KIRREL3: variants seen among roughly 807,000 people sequenced by gnomAD.
KIRREL3 encodes kin of IRRE-like protein 3.
Under a neutral mutation model 89.7 loss-of-function variants are expected in KIRREL3, and 36 were observed. The observed-to-expected ratio is 0.40, with a 90% CI of 0.31 to 0.53. The LOEUF (loss-of-function observed/expected upper bound fraction) is 0.53, where lower values mean the gene tolerates loss of function less well. Ranked by LOEUF, KIRREL3 falls within the 20% of genes least tolerant of loss-of-function variation. The probability of loss-of-function intolerance (pLI) is 0.49; values close to 1 mark genes in which losing one functional copy is unlikely to be tolerated. For missense variants in KIRREL3, 864 were observed against 1,056.6 expected (o/e 0.82, Z 2.53); for synonymous variants, 445 against 441.4 (o/e 1.01, Z -0.10).
rs1592141372 is a variant in KIRREL3 at position 126,797,172 on chromosome 11, G to A, written c.55+203283C>T. Among the ~76,000 whole-genome samples the A allele has an allele frequency of 1.3e-5, 2 of 152,214 alleles. No individual in the cohort carries two copies. Among genetic ancestry groups the A allele is most frequent in the Non-Finnish European group, 2.9e-5 (2 of 68,034 alleles). On this transcript the variant is annotated intron_variant, in intron 1 of 16. Coordinates refer to ENST00000525144, the MANE Select transcript of KIRREL3 (RefSeq NM_032531.4). This position sits in a 1 kb window ranked among gnomAD's most constrained non-coding sequence, Gnocchi z 4.9. ...GGGATGTGGCACTGAATTTGGGGCTGTGTTACTGTGCAGGGAATATGAGCC... is the reference window on the plus strand; with the variant it reads ...GGGATGTGGCACTGAATTTGGGGCTATGTTACTGTGCAGGGAATATGAGCC...
chr11:126,984,492 CCAGTAAAAG>C (rs1300939486), intron 1 of KIRREL3, among the ~76,000 whole-genome samples: 1 of 152,154 alleles, frequency 6.6e-6, no homozygotes, highest in Non-Finnish European at 1.5e-5. Flanking sequence ...GCCTATGGAC[CCAGTAAAAG>C]GTTGCCCTGG....
At chr11:126,868,911 C>T (rs1023845590) in intron 1 of KIRREL3, among the ~76,000 whole-genome samples, 2 of 152,120 alleles carry the variant, frequency 1.3e-5, no homozygotes, top group Non-Finnish European at 2.9e-5. Flanking sequence ...TGTATCCTCA[C>T]TTGCTGGAGG....
chr11:126,818,506 A>G (rs1951655863), intron 1 of KIRREL3, among the ~76,000 whole-genome samples: 2 of 152,160 alleles, frequency 1.3e-5, no homozygotes, highest in Non-Finnish European at 2.9e-5. Context: ...TGTTGCATAT[A>G]TTAAATAAAA....
chr11:126,716,460 A>G (rs970444742), intron 1 of KIRREL3, among the ~76,000 whole-genome samples: 2 of 152,096 alleles, frequency 1.3e-5, no homozygotes, highest in Admixed American at 6.5e-5. Context: ...TAGGGAGGTT[A>G]GGATTGGAGC....
At chr11:126,534,738 T>C (rs1368631342) in intron 2 of KIRREL3, among the ~76,000 whole-genome samples, 1 of 152,150 alleles carries the variant, frequency 6.6e-6, no homozygotes. Context: ...AGAGCCTGGG[T>C]CTGCCACCCC....
Position 126,562,961 on chromosome 11 carries a change from C to T in KIRREL3, c.56-49G>A. Reference sequence around the variant, plus strand: ...GAGTTGGGAATGGGAACAGGTCAGGCATTGTTGGGGGGCCCTCTGCAGGGG... The same window carrying T: ...GAGTTGGGAATGGGAACAGGTCAGGTATTGTTGGGGGGCCCTCTGCAGGGG... On this transcript the variant is annotated intron_variant, in intron 1 of 16. Transcript: ENST00000525144. The surrounding 1 kb of genome is among the most constrained non-coding windows in gnomAD (Gnocchi z 4.7). 4 of 1,477,302 alleles carry T rather than the reference C, an allele frequency of 2.7e-6. No homozygotes were observed. Among genetic ancestry groups the T allele is most frequent in the African/African-American group, 1.4e-5 (1 of 72,254 alleles). 91.5% of individuals were successfully genotyped at this position (1,477,302 alleles called of 1,614,324 possible). A position where few individuals can be genotyped will look rare whatever the true frequency, so the allele number is the denominator to read the frequency against.
intron 4 of KIRREL3, among the ~76,000 whole-genome samples, chr11:126,493,611 C>T (rs528365836): frequency 3.4e-5 from 5 of 149,074 alleles, no homozygotes; most frequent in African/African-American, 7.5e-5. Context: ...GCTGAGATCG[C>T]GCCACCGCAC....
intron 13 of KIRREL3, 36 bp downstream of exon 13, chr11:126,435,232 C>A (rs201642786): frequency 2.5e-5 from 41 of 1,611,580 alleles, no homozygotes; most frequent in Admixed American, 1.0e-4. Flanking sequence ...TCCCTTCCCC[C>A]CTTCCCAGGG....
At chr11:126,700,346 G>C (rs1947266725) in intron 1 of KIRREL3, among the ~76,000 whole-genome samples, 1 of 152,168 alleles carries the variant, frequency 6.6e-6, no homozygotes, top group African/African-American at 2.4e-5. Context: ...CATTGGAAGA[G>C]GCAGCGTACC....
Position 126,906,395 on chromosome 11 carries a change from G to A in KIRREL3, c.55+94060C>T, listed in dbSNP as rs1256965791. 6.6e-6 allele frequency among the ~76,000 whole-genome samples: 1 copy of A among 152,194 alleles called. No homozygotes were observed. Among genetic ancestry groups the A allele is most frequent in the Admixed American group, 6.5e-5 (1 of 15,280 alleles). ...GAATGATCAGTCTTATCAAAAGAGG[G>A]AAACTGAGGCTTAAGGAACGGAAGT... is the stretch of plus-strand genomic sequence containing the variant. On this transcript the variant is annotated intron_variant, in intron 1 of 16. Transcript: ENST00000525144. This position sits in a 1 kb window ranked among gnomAD's most constrained non-coding sequence, Gnocchi z 4.1.
chr11:126,893,520 G>A (rs1054090599), intron 1 of KIRREL3, among the ~76,000 whole-genome samples: 1 of 152,174 alleles, frequency 6.6e-6, no homozygotes, highest in Admixed American at 6.5e-5. Flanking sequence ...ATTTGTTGCC[G>A]AGCTCATGAC....
In KIRREL3 at chr11:126,993,600, C is replaced by T. The variant is rs527974112; in HGVS notation, c.55+6855G>A. Reference sequence around the variant, plus strand: ...TCGAAGTGTCTGCTCCCCAACCAGACTAAGAGCTCTGGGGCAGAAACATGG... The same window carrying T: ...TCGAAGTGTCTGCTCCCCAACCAGATTAAGAGCTCTGGGGCAGAAACATGG... On this transcript the variant is annotated intron_variant, in intron 1 of 16. Coordinates refer to ENST00000525144, the MANE Select transcript of KIRREL3 (RefSeq NM_032531.4). The surrounding 1 kb of genome is among the most constrained non-coding windows in gnomAD (Gnocchi z 6.1). Among the ~76,000 whole-genome samples, 15 of 152,196 alleles carry T rather than the reference C, an allele frequency of 9.9e-5. No individual in the cohort carries two copies. Among genetic ancestry groups the T allele is most frequent in the Admixed American group, 3.9e-4 (6 of 15,282 alleles).
At position 126,953,121 on chromosome 11, in the gene KIRREL3, G is replaced by C. The variant is rs1189064814; in HGVS notation, c.55+47334C>G. On this transcript the variant is annotated intron_variant, in intron 1 of 16. Transcript: ENST00000525144. This position sits in a 1 kb window ranked among gnomAD's most constrained non-coding sequence, Gnocchi z 5.2. The stretch of plus-strand genomic sequence containing the variant: ...GTGATAGACTGAATAAAGAAAATGT[G>C]GCACATATACACCATGGAATTCTAT... 6.6e-6 allele frequency among the ~76,000 whole-genome samples: 1 copy of C among 152,096 alleles called. No homozygotes were observed. The highest frequency in any genetic ancestry group is 1.5e-5 in the Non-Finnish European group (1 of 68,028).
At position 126,553,235 on chromosome 11, in the gene KIRREL3, T is replaced by C. The variant is rs1939427595; in HGVS notation, c.133+9600A>G. ...TTGGTCTGAAGAAATGATGGTCAGCTGTCCAAATGCATACAATATCTTCTG... is the reference window on the plus strand; with the variant it reads ...TTGGTCTGAAGAAATGATGGTCAGCCGTCCAAATGCATACAATATCTTCTG... On this transcript the variant is annotated intron_variant, in intron 2 of 16. Transcript: ENST00000525144. This position sits in a 1 kb window ranked among gnomAD's most constrained non-coding sequence, Gnocchi z 4.7. 6.6e-6 allele frequency among the ~76,000 whole-genome samples: 1 copy of C among 151,986 alleles called. No homozygotes were observed. Among genetic ancestry groups the C allele is most frequent in the Non-Finnish European group, 1.5e-5 (1 of 68,012 alleles).
At position 126,994,944 on chromosome 11, in the gene KIRREL3, G is replaced by C; in HGVS notation, c.55+5511C>G. ...TCTTACTTGACCTGCACTTCTAACT[G>C]GGTAAATTCTGACTTTCTCTTGGGA... On this transcript the variant is annotated intron_variant, in intron 1 of 16. Coordinates refer to ENST00000525144, the MANE Select transcript of KIRREL3 (RefSeq NM_032531.4). This position sits in a 1 kb window ranked among gnomAD's most constrained non-coding sequence, Gnocchi z 5.2. 1 of 345,138 alleles carries C rather than the reference G, an allele frequency of 2.9e-6. No individual in the cohort carries two copies. Among genetic ancestry groups the C allele is most frequent in the Non-Finnish European group, 5.7e-6 (1 of 175,310 alleles). 21.4% of individuals were successfully genotyped at this position (345,138 alleles called of 1,614,324 possible).
At position 126,995,537 on chromosome 11, in the gene KIRREL3, C is replaced by G; in HGVS notation, c.55+4918G>C. Reference sequence around the variant, plus strand: ...ATAATGCCTATGCCCCTCTAGCCCCCTTAGCATCCCCCATCTATATCAAGA... The same window carrying G: ...ATAATGCCTATGCCCCTCTAGCCCCGTTAGCATCCCCCATCTATATCAAGA... On this transcript the variant is annotated intron_variant, in intron 1 of 16. Transcript: ENST00000525144. This position sits in a 1 kb window ranked among gnomAD's most constrained non-coding sequence, Gnocchi z 6.5. 1 of 349,830 alleles carries G rather than the reference C, an allele frequency of 2.9e-6. No homozygotes were observed. The highest frequency in any genetic ancestry group is 2.2e-5 in the South Asian group (1 of 45,870). 21.7% of individuals were successfully genotyped at this position (349,830 alleles called of 1,614,324 possible). A position where few individuals can be genotyped will look rare whatever the true frequency, so the allele number is the denominator to read the frequency against.
intron 1 of KIRREL3, among the ~76,000 whole-genome samples, chr11:126,692,342 C>T (rs910452355): frequency 4.6e-5 from 7 of 151,768 alleles, no homozygotes; most frequent in African/African-American, 1.2e-4. Context: ...GTCAGGAGTT[C>T]GAGACCAGTC....
In KIRREL3 at chr11:126,814,042, A is replaced by G. The variant is rs1343780612; in HGVS notation, c.55+186413T>C. On this transcript the variant is annotated intron_variant, in intron 1 of 16. Coordinates refer to ENST00000525144, the MANE Select transcript of KIRREL3 (RefSeq NM_032531.4). The surrounding 1 kb of genome is among the most constrained non-coding windows in gnomAD (Gnocchi z 4.4). The stretch of plus-strand genomic sequence containing the variant: ...GACAAAGGTCTAATATCCAGAGTCT[A>G]CAAGGAACTTAAATTTACAAGAAAA... Among the ~76,000 whole-genome samples the G allele has an allele frequency of 1.3e-5, 2 of 152,214 alleles. No individual in the cohort carries two copies. Among genetic ancestry groups the G allele is most frequent in the Admixed American group, 1.3e-4 (2 of 15,284 alleles).
intron 1 of KIRREL3, among the ~76,000 whole-genome samples, chr11:126,756,555 T>C (rs569997943): frequency 4.3e-4 from 66 of 152,378 alleles, no homozygotes; most frequent in Admixed American, 3.1e-3. Flanking sequence ...TCTAGGCCCC[T>C]GGAATGCCAG....
Sources: allele counts gnomAD v4.1 joint callset (sites outside exome capture counted in the v4.1 genomes callset), GRCh38; gene constraint gnomAD v4.1.1; non-coding constraint Gnocchi (gnomAD v3.1); transcripts MANE v1.5; gene names NCBI Gene and HGNC (gene_info 2026-07-23, HGNC 2026-07-21).